Variants in LINGO2 observed in about 807,000 individuals in gnomAD.
LINGO2 encodes leucine-rich repeat and immunoglobulin-like domain-containing nogo receptor-interacting protein 2.
In LINGO2, 14 loss-of-function variants were observed where a neutral mutation model predicts 30.6. That is an observed-to-expected ratio of 0.46 (90% confidence interval 0.30 to 0.72). The LOEUF (loss-of-function observed/expected upper bound fraction) is 0.72, where lower values mean the gene tolerates loss of function less well. Among genes scored for constraint, LINGO2 ranks in the 30% least tolerant of loss-of-function variants. LINGO2 has a pLI of 0.07. For missense variants in LINGO2, 729 were observed against 751.7 expected, an observed-to-expected ratio of 0.97 and a Z score of 0.35; for synonymous variants, 317 against 288.5, an observed-to-expected ratio of 1.10 and a Z score of -1.00.
At chr9:28,186,245 A>G (rs10812752) in intron 4 of LINGO2, among the ~76,000 whole-genome samples, 65,406 of 152,036 alleles carry the variant, frequency 0.43, 15,179 homozygotes, top group East Asian at 0.68. Context: ...TTAAATGAAG[A>G]GGCTCATATT....
chr9:28,885,353 A>G, the LINGO2 span, among the ~76,000 whole-genome samples: 172 of 52,908 alleles, frequency 3.3e-3, 1 homozygote, highest in Non-Finnish European at 6.0e-3. Context: ...AGGGAGATAT[A>G]TATATATACA....
chr9:28,875,830 C>T, the LINGO2 span, among the ~76,000 whole-genome samples: 1 of 152,048 alleles, frequency 6.6e-6, no homozygotes, highest in East Asian at 1.9e-4. Context: ...TTTTAACATA[C>T]CTCTGGTTTT....
At chr9:28,049,236 T>C (rs1454981411) in intron 4 of LINGO2, among the ~76,000 whole-genome samples, 8 of 150,840 alleles carry the variant, frequency 5.3e-5, no homozygotes, top group Admixed American at 2.7e-4. Context: ...GAGCCGATAT[T>C]CTGGCTGTCT....
chr9:28,942,689 A>G, the LINGO2 span, among the ~76,000 whole-genome samples: 1 of 152,138 alleles, frequency 6.6e-6, no homozygotes, highest in Non-Finnish European at 1.5e-5. Context: ...TGTTCTTAGA[A>G]TGAAGTTTTA....
intron 4 of LINGO2, among the ~76,000 whole-genome samples, chr9:28,263,092 C>T (rs1480598647): frequency 1.3e-5 from 2 of 151,972 alleles, no homozygotes; most frequent in East Asian, 3.9e-4. Context: ...TTGCAGTCCT[C>T]TTCCTGGTTA....
intron 4 of LINGO2, among the ~76,000 whole-genome samples, chr9:28,103,301 TG>T (rs1455930449): frequency 6.6e-6 from 1 of 152,182 alleles, no homozygotes; most frequent in Non-Finnish European, 1.5e-5. Flanking sequence ...TAAACGGTCA[TG>T]ATTCTCCATG....
At chr9:28,778,296 G>A in the LINGO2 span, among the ~76,000 whole-genome samples, 4 of 152,184 alleles carry the variant, frequency 2.6e-5, no homozygotes, top group East Asian at 5.8e-4. Flanking sequence ...TAAGTCATAA[G>A]GAAAAGGATG....
At chr9:28,194,403 A>G (rs1287130163) in intron 4 of LINGO2, among the ~76,000 whole-genome samples, 1 of 152,118 alleles carries the variant, frequency 6.6e-6, no homozygotes, top group Admixed American at 6.6e-5. Flanking sequence ...AGATGTGGAA[A>G]TTAAGGCAAA....
intron 1 of LINGO2, among the ~76,000 whole-genome samples, chr9:28,549,189 TC>T (rs1317323766): frequency 2.0e-5 from 3 of 152,084 alleles, no homozygotes; most frequent in African/African-American, 7.2e-5. Context: ...ACAATACATA[TC>T]ATTGTTGTGT....
intron 4 of LINGO2, among the ~76,000 whole-genome samples, chr9:28,278,403 A>C (rs1823205274): frequency 6.6e-6 from 1 of 152,200 alleles, no homozygotes; most frequent in South Asian, 2.1e-4. Context: ...TCATAGCTAG[A>C]GAGGAATGTC....
At chr9:28,685,065 TGA>T in the LINGO2 span, among the ~76,000 whole-genome samples, 1 of 152,182 alleles carries the variant, frequency 6.6e-6, no homozygotes, top group East Asian at 1.9e-4. Context: ...CACTTATAAC[TGA>T]GAACATGTGG....
At chr9:28,403,740 A>C (rs1016483392) in intron 2 of LINGO2, among the ~76,000 whole-genome samples, 7 of 151,804 alleles carry the variant, frequency 4.6e-5, no homozygotes, top group African/African-American at 1.7e-4. Context: ...GTTTGGCAAG[A>C]AGCAGAGTTT....
chr9:29,010,727 A>G, the LINGO2 span, among the ~76,000 whole-genome samples: 3 of 152,108 alleles, frequency 2.0e-5, no homozygotes, highest in Non-Finnish European at 4.4e-5. Context: ...GGCCATAAAT[A>G]TTTAGATTTA....
chr9:29,156,848 G>A, the LINGO2 span, among the ~76,000 whole-genome samples: 2 of 151,960 alleles, frequency 1.3e-5, no homozygotes, highest in African/African-American at 4.8e-5. Context: ...TTTCAGGAGG[G>A]TAAGGTATCA....
intron 4 of LINGO2, among the ~76,000 whole-genome samples, chr9:28,053,032 A>C (rs1265188259): frequency 6.6e-6 from 1 of 152,134 alleles, no homozygotes; most frequent in Non-Finnish European, 1.5e-5. Context: ...TTCTGTCCTC[A>C]TCAAGTTTAT....
In LINGO2 at chr9:27,950,161, T is replaced by C. The variant is rs557625050; in HGVS notation, c.511A>G (p.Arg171Gly). The change falls in exon 6 of 6, where the codon AGG (arginine) becomes GGG (glycine). Residue 171 changes from arginine (R) to glycine (G), a missense_variant. Physicochemically the swap from Arg to Gly is moderately radical, Grantham distance 125. Transcript: ENST00000379992. ...AAGCTAAGAAGCCCACTGAATGCCCTGTGTGATATATAAACCAAATCATTG... is the reference window on the plus strand; with the variant it reads ...AAGCTAAGAAGCCCACTGAATGCCCCGTGTGATATATAAACCAAATCATTG... The C allele has an allele frequency of 1.4e-5, 22 of 1,614,100 alleles. No individual in the cohort carries two copies. In the African/African-American group the frequency reaches 2.3e-4, roughly 17 times the overall value.
the LINGO2 span, among the ~76,000 whole-genome samples, chr9:28,675,651 AC>A: frequency 6.6e-6 from 1 of 151,836 alleles, no homozygotes; most frequent in Non-Finnish European, 1.5e-5. Flanking sequence ...CGAGCAGATC[AC>A]CTGAGGTCAG....
At chr9:28,039,000 C>T (rs900067712) in intron 4 of LINGO2, among the ~76,000 whole-genome samples, 8 of 151,078 alleles carry the variant, frequency 5.3e-5, no homozygotes, top group Admixed American at 2.6e-4. Context: ...TTGTGTAGCA[C>T]GAAATCTTAA....
chr9:28,906,072 A>C, the LINGO2 span, among the ~76,000 whole-genome samples: 2 of 152,060 alleles, frequency 1.3e-5, no homozygotes, highest in Non-Finnish European at 2.9e-5. Context: ...GAAATAGCAC[A>C]TGATCTCACT....
Sources: gnomAD v4.1 joint callset for allele counts (sites outside exome capture counted in the v4.1 genomes callset) on GRCh38, gnomAD v4.1.1 for gene constraint, MANE v1.5 for transcripts, NCBI Gene and HGNC (gene_info 2026-07-23, HGNC 2026-07-21) for gene names.